Variants in KIF25 observed in about 807,000 individuals in gnomAD.
KIF25 encodes kinesin-like protein KIF25.
A neutral mutation model predicts 32.9 loss-of-function variants in KIF25; 19 were observed. The ratio of observed to expected loss-of-function variants is 0.58; its 90% confidence interval spans 0.40 to 0.85. The LOEUF is 0.85. Among genes scored for constraint, KIF25 ranks in the 40% least tolerant of loss-of-function variants. KIF25 has a pLI of 0.00. For missense variants in KIF25, 485 were observed against 507.0 expected, an observed-to-expected ratio of 0.96 and a Z score of 0.42; for synonymous variants, 225 against 213.7, an observed-to-expected ratio of 1.05 and a Z score of -0.46.
At chr6:168,016,906 G>C (rs923290428) in intron 4 of KIF25, among the ~76,000 whole-genome samples, 8 of 152,252 alleles carry the variant, frequency 5.3e-5, no homozygotes, top group Non-Finnish European at 7.3e-5. Context: ...CGGGGCTGAG[G>C]CTGGCGTTCC....
chr6:168,034,135 T>A, intron 8 of KIF25, 104 bp downstream of exon 8: 1 of 1,204,346 alleles, frequency 8.3e-7, no homozygotes, highest in Non-Finnish European at 1.2e-6. Context: ...TTGAAGAAGG[T>A]GATCAAACCC....
At chr6:168,020,435 A>T (rs1798773710) in intron 5 of KIF25, among the ~76,000 whole-genome samples, 1 of 152,194 alleles carries the variant, frequency 6.6e-6, no homozygotes, top group Non-Finnish European at 1.5e-5. Flanking sequence ...GTCCTGAAGG[A>T]CATGTGGGCA....
intron 5 of KIF25, among the ~76,000 whole-genome samples, chr6:168,027,113 C>T (rs951572485): frequency 2.0e-5 from 3 of 152,120 alleles, no homozygotes; most frequent in Admixed American, 1.3e-4. Context: ...GGCCCTCGAC[C>T]TGGGGCTTGA....
chr6:168,021,451 G>A (rs1257566036), intron 5 of KIF25, among the ~76,000 whole-genome samples: 1 of 152,186 alleles, frequency 6.6e-6, no homozygotes, highest in Non-Finnish European at 1.5e-5. Flanking sequence ...AATGACGCAC[G>A]AGTTTACATA....
chr6:168,021,022 C>T (rs923834829), intron 5 of KIF25, among the ~76,000 whole-genome samples: 1 of 152,036 alleles, frequency 6.6e-6, no homozygotes, highest in Non-Finnish European at 1.5e-5. Flanking sequence ...CTATAATAGC[C>T]GAAACAACTT....
Position 167,998,375 on chromosome 6 carries a change from C to G in KIF25, c.-1094C>G, listed in dbSNP as rs181631688. The G allele has an allele frequency of 1.3e-5, 2 of 152,124 alleles. No homozygotes were observed. The highest frequency in any genetic ancestry group is 6.6e-5 in the Admixed American group (1 of 15,260). The allele number at this position is 152,124 out of a possible 1,614,324, so 9.4% of individuals were successfully genotyped here. On this transcript the variant is annotated 5_prime_UTR_variant, in exon 1 of 13. Coordinates refer to ENST00000643607, the MANE Select transcript of KIF25 (RefSeq NM_030615.4). ...CTTCTGTGGGTTCATAGAGACCAGA[C>G]GGAGGCTGTAAATCATTGGCCTATG...
rs543976901 is a variant in KIF25 at position 168,033,921 on chromosome 6, C to T, written c.207C>T (p.Ser69=). The change falls in exon 8 of 13, where the codon AGC becomes AGT. Residue 69 remains serine, a synonymous_variant. Transcript: ENST00000643607. ...VCVMAYGQTG[S]GKSYTMLGRH... is the part of the protein sequence containing the mutation. ...TTATGGCGTATGGACAGACGGGCAG[C>T]GGAAAGAGCTATACCATGCTGGGAC... The T allele has an allele frequency of 5.5e-5, 88 of 1,614,138 alleles. 1 individual carries two copies. The Admixed American group carries it at 7.5e-4, about 14-fold the overall frequency.
At chr6:168,035,884 G>T (rs1207539888) in intron 8 of KIF25, 1 of 426,250 alleles carries the variant, frequency 2.3e-6, no homozygotes, top group African/African-American at 2.0e-5. Context: ...AGCAGACACG[G>T]ACCGTGTCCT....
Position 168,038,563 on chromosome 6 carries a change from GAAAA to G in KIF25, c.329_332del (p.Glu110ValfsTer12). ...TGTGTTTTCCCGCAGGCTCATTTTG[GAAAA>G]TACCTCAAGAAGCCCAAAGGTTGAA... On this transcript the variant is annotated frameshift_variant, in exon 9 of 13. Transcript: ENST00000643607. LOFTEE classifies it high-confidence loss of function. 2.5e-6 allele frequency: 4 copies of G among 1,614,054 alleles called. No individual in the cohort carries two copies. The highest frequency in any genetic ancestry group is 3.4e-6 in the Non-Finnish European group (4 of 1,179,952).
rs566260029 is a variant in KIF25 at position 168,018,045 on chromosome 6, G to A, written c.-95+5G>A. Reference sequence around the variant, plus strand: ...TAAGACATATCATTTTGAAAGGTAAGTGCTTTTCAAGATGTCCTATAAAGC... The same window carrying A: ...TAAGACATATCATTTTGAAAGGTAAATGCTTTTCAAGATGTCCTATAAAGC... On this transcript the variant is annotated splice_donor_5th_base_variant and intron_variant, in intron 5 of 12. Coordinates refer to ENST00000643607, the MANE Select transcript of KIF25 (RefSeq NM_030615.4). 1 of 152,684 alleles carries A rather than the reference G, an allele frequency of 6.5e-6. No homozygotes were observed. The highest frequency in any genetic ancestry group is 2.1e-4 in the South Asian group (1 of 4,824). The allele number at this position is 152,684 out of a possible 1,614,324, so 9.5% of individuals were successfully genotyped here.
At chr6:168,043,397 C>T (rs544417394) in intron 12 of KIF25, among the ~76,000 whole-genome samples, 1 of 152,260 alleles carries the variant, frequency 6.6e-6, no homozygotes, top group African/African-American at 2.4e-5. Context: ...GGGCACATGG[C>T]CACCACAGTC....
At chr6:168,025,192 C>T (rs962034856) in intron 5 of KIF25, among the ~76,000 whole-genome samples, 3 of 152,218 alleles carry the variant, frequency 2.0e-5, no homozygotes, top group African/African-American at 7.2e-5. Context: ...GACAGAGACT[C>T]ATCAGAGACG....
At chr6:168,025,183 A>C (rs1160220187) in intron 5 of KIF25, among the ~76,000 whole-genome samples, 1 of 152,210 alleles carries the variant, frequency 6.6e-6, no homozygotes, top group Non-Finnish European at 1.5e-5. Flanking sequence ...CCAACAAAGG[A>C]CAGAGACTCA....
At chr6:168,004,259 G>C (rs1243046703) in intron 4 of KIF25, among the ~76,000 whole-genome samples, 1 of 152,216 alleles carries the variant, frequency 6.6e-6, no homozygotes, top group Non-Finnish European at 1.5e-5. Flanking sequence ...GAACAGCAAG[G>C]GAGGCCTCAG....
At chr6:168,026,283 C>T (rs1486418709) in intron 5 of KIF25, among the ~76,000 whole-genome samples, 4 of 152,100 alleles carry the variant, frequency 2.6e-5, no homozygotes, top group Non-Finnish European at 5.9e-5. Flanking sequence ...TCTCAGAGGG[C>T]CCTGTCTCAA....
chr6:168,018,917 TAAG>T (rs1798752042), intron 5 of KIF25, among the ~76,000 whole-genome samples: 1 of 151,980 alleles, frequency 6.6e-6, no homozygotes, highest in South Asian at 2.1e-4. Flanking sequence ...ACAGGAGCGG[TAAG>T]AAGGAGGAGG....
chr6:168,001,354 A>G (rs184663886), intron 2 of KIF25, among the ~76,000 whole-genome samples: 2 of 152,256 alleles, frequency 1.3e-5, no homozygotes, highest in African/African-American at 4.8e-5. Flanking sequence ...AGGGATGCTC[A>G]GCCTGTAGTT....
At chr6:168,012,669 G>T (rs987599781) in intron 4 of KIF25, among the ~76,000 whole-genome samples, 1 of 152,296 alleles carries the variant, frequency 6.6e-6, no homozygotes, top group Middle Eastern at 3.4e-3. Flanking sequence ...GACTTGTAGG[G>T]TTGTTTCTCT....
At chr6:168,037,655 C>T (rs1485541575) in intron 8 of KIF25, among the ~76,000 whole-genome samples, 1 of 152,146 alleles carries the variant, frequency 6.6e-6, no homozygotes, top group African/African-American at 2.4e-5. Context: ...TTCTCTCTCT[C>T]TCTCTCTCTC....
Sources: gnomAD v4.1 joint callset for allele counts (sites outside exome capture counted in the v4.1 genomes callset) on GRCh38, gnomAD v4.1.1 for gene constraint, MANE v1.5 for transcripts, NCBI Gene and HGNC (gene_info 2026-07-23, HGNC 2026-07-21) for gene names.